The following AP3B2 variants were observed in gnomAD, a reference collection of about 807,000 sequenced individuals.
AP3B2 encodes AP-3 complex subunit beta-2.
A neutral mutation model predicts 126.9 loss-of-function variants in AP3B2; 50 were observed. That is an observed-to-expected ratio of 0.39 (90% CI 0.31 to 0.50). The LOEUF (loss-of-function observed/expected upper bound fraction) is 0.50. Among genes scored for constraint, AP3B2 ranks in the 20% least tolerant of loss-of-function variants. The probability of loss-of-function intolerance (pLI) is 0.79; values close to 1 mark genes in which losing one functional copy is unlikely to be tolerated. For missense variants in AP3B2, 1,177 were observed against 1,426.4 expected (o/e 0.83, Z 2.82); for synonymous variants, 541 against 565.0 (o/e 0.96, Z 0.60).
intron 1 of AP3B2, among the ~76,000 whole-genome samples, chr15:82,709,304 G>A (rs1173612098): frequency 6.6e-6 from 1 of 152,132 alleles, no homozygotes; most frequent in Non-Finnish European, 1.5e-5. Flanking sequence ...GCCGCAAACC[G>A]GAGAAACACC....
At chr15:82,684,091 A>G (rs931971248) in intron 4 of AP3B2, among the ~76,000 whole-genome samples, 1 of 152,222 alleles carries the variant, frequency 6.6e-6, no homozygotes, top group African/African-American at 2.4e-5. Flanking sequence ...GTCATTGAGC[A>G]CTGGCCTCAA....
chr15:82,664,791 G>T lies in AP3B2; in HGVS notation c.2137+44C>A. On this transcript the variant is annotated intron_variant, in intron 18 of 26. Transcript: ENST00000535359. The surrounding 1 kb of genome is among the most constrained non-coding windows in gnomAD (Gnocchi z 4.5). Reference sequence around the variant, plus strand: ...CCCTCATATAGTCAGTCACACAGATGCATGGGCAGAGCACAGAGGACCCCA... The same window carrying T: ...CCCTCATATAGTCAGTCACACAGATTCATGGGCAGAGCACAGAGGACCCCA... 7.1e-7 allele frequency: 1 copy of T among 1,417,918 alleles called. No individual in the cohort carries two copies. The highest frequency in any genetic ancestry group is 1.2e-5 in the South Asian group (1 of 81,130). 87.8% of individuals were successfully genotyped at this position (1,417,918 alleles called of 1,614,324 possible).
chr15:82,671,089 C>A (rs781378403), intron 14 of AP3B2, among the ~76,000 whole-genome samples: 3 of 151,968 alleles, frequency 2.0e-5, no homozygotes, highest in Non-Finnish European at 4.4e-5. Flanking sequence ...TTGAGACCAG[C>A]CTGACCAACA....
At chr15:82,664,000 C>T in intron 19 of AP3B2, 25 bp from the exon 20 acceptor site, 1 of 1,593,600 alleles carries the variant, frequency 6.3e-7, no homozygotes, top group Non-Finnish European at 8.5e-7. Flanking sequence ...AAGGTTGGCT[C>T]AGGCCTGGCC....
rs2048302305 is a variant in AP3B2, at chr15:82,679,747, G to T, written c.1164C>A (p.Thr388=). Residue 388 remains threonine (T), a synonymous_variant, in exon 10 of 27, where the codon ACC becomes ACA. Coordinates refer to ENST00000535359, the MANE Select transcript of AP3B2 (RefSeq NM_001278512.2). The part of the protein sequence containing the change: ...KSFYIRSTDP[T]QIKILKLEVL... ...CACTCACCTTCAGGATCTTAATCTGGGTGGGGTCGGTGGACCTGATGTAGA... is the reference window on the plus strand; with the variant it reads ...CACTCACCTTCAGGATCTTAATCTGTGTGGGGTCGGTGGACCTGATGTAGA... 6.2e-7 allele frequency: 1 copy of T among 1,613,674 alleles called. No individual in the cohort carries two copies. Among genetic ancestry groups the T allele is most frequent in the Non-Finnish European group, 8.5e-7 (1 of 1,179,790 alleles).
At chr15:82,702,843 G>C (rs2048740716) in intron 1 of AP3B2, among the ~76,000 whole-genome samples, 1 of 152,220 alleles carries the variant, frequency 6.6e-6, no homozygotes, top group East Asian at 1.9e-4. Context: ...CCTGCTCTTT[G>C]CTTCATGATA....
chr15:82,680,591 C>G lies in AP3B2; in HGVS notation c.936G>C (p.Leu312=), dbSNP rs1179027036. The change falls in exon 8 of 27, where the codon CTG becomes CTC. Residue 312 remains leucine, a synonymous_variant. Transcript: ENST00000535359. The surrounding 1 kb of genome is among the most constrained non-coding windows in gnomAD (Gnocchi z 6.1). ...CCACCGCGGCGCTGCGGCTCTGCAG[C>G]AGGGGTTTGGTGTTGCGCAGCAGCA... is the stretch of plus-strand genomic sequence containing the variant. ...HRLLLRNTKP[L]LQSRSAAVVM... is the part of the protein sequence containing the mutation. 1 of 1,594,666 alleles carries G rather than the reference C, an allele frequency of 6.3e-7. No homozygotes were observed. The highest frequency in any genetic ancestry group is 1.7e-4 in the Middle Eastern group (1 of 6,036).
rs541722611 is a variant in AP3B2, at chr15:82,677,668, G to T, written c.1378+3C>A. 20 of 1,538,414 alleles carry T rather than the reference G, an allele frequency of 1.3e-5. No homozygotes were observed. The South Asian group carries it at 2.4e-4, about 19-fold the overall frequency. On this transcript the variant is annotated splice_donor_region_variant and intron_variant, in intron 12 of 26. Transcript: ENST00000535359. ...ACGGTTAGACACTCAGGGAAACACT[G>T]ACCATCACGGTTGGACAGCAGCTGC...
intron 14 of AP3B2, among the ~76,000 whole-genome samples, chr15:82,670,202 C>T (rs181468123): frequency 7.1e-4 from 107 of 149,892 alleles, no homozygotes; most frequent in Non-Finnish European, 1.3e-3. Context: ...CTCCGCCTCC[C>T]GGGTTCAAGC....
At position 82,661,934 on chromosome 15, in the gene AP3B2, G is replaced by A. The variant is rs1427446209; in HGVS notation, c.2919-12C>T. The A allele has an allele frequency of 1.2e-6, 2 of 1,608,898 alleles. No individual in the cohort carries two copies. The highest frequency in any genetic ancestry group is 1.3e-5 in the African/African-American group (1 of 74,894). ...GTCGGGTCTGGGTGCTGGGAGGGGT[G>A]GGAGGAAACGGAGAAGAATTAAGGC... On this transcript the variant is annotated splice_polypyrimidine_tract_variant and intron_variant, in intron 24 of 26. Transcript: ENST00000535359.
chr15:82,680,698 C>A lies in AP3B2; in HGVS notation c.829G>T (p.Ala277Ser). 1.3e-6 allele frequency: 2 copies of A among 1,567,898 alleles called. No individual in the cohort carries two copies. The highest frequency in any genetic ancestry group is 1.2e-5 in the South Asian group (1 of 86,680). ...KAFYGSEEDE[A>S]KGAGSEETAA... Reference sequence around the variant, plus strand: ...GTCTCCTCAGACCCCGCGCCCTTGGCCTCGTCCTCCTCTGAGCCGTAGAAG... The same window carrying A: ...GTCTCCTCAGACCCCGCGCCCTTGGACTCGTCCTCCTCTGAGCCGTAGAAG... The change falls in exon 8 of 27, where the codon GCC becomes TCC. Residue 277 changes from alanine to serine, a missense_variant. This residue lies in a region of AP3B2 where 103 missense variants were observed against 101.4 expected (regional missense o/e 1.02). Coordinates refer to ENST00000535359, the MANE Select transcript of AP3B2 (RefSeq NM_001278512.2). The surrounding 1 kb of genome is among the most constrained non-coding windows in gnomAD (Gnocchi z 6.1).
Position 82,703,991 on chromosome 15 carries a change from C to T in AP3B2, c.113+5603G>A, listed in dbSNP as rs189191729. On this transcript the variant is annotated intron_variant, in intron 1 of 26. Coordinates refer to ENST00000535359, the MANE Select transcript of AP3B2 (RefSeq NM_001278512.2). ...TCACCTCCTCTCCCCACACCCAGTC[C>T]GGCTTACAGTTTTGTTCTGCGACTA... Among the ~76,000 whole-genome samples the T allele has an allele frequency of 2.4e-3, 358 of 152,258 alleles. 4 individuals are homozygous for T. Among genetic ancestry groups the T allele is most frequent in the Non-Finnish European group, 1.8e-3 (124 of 68,026 alleles).
rs765499671 is a variant in AP3B2 at position 82,663,570 on chromosome 15, A to G, written c.2487T>C (p.Asp829=). Residue 829 remains aspartate, a synonymous_variant, in exon 21 of 27, where the codon GAT becomes GAC. Coordinates refer to ENST00000535359, the MANE Select transcript of AP3B2 (RefSeq NM_001278512.2). ...ACCACCCAAACTCACAATCCTCTAGATCAAGCAGGGAGATCTCCTTGGTTG... is the reference window on the plus strand; with the variant it reads ...ACCACCCAAACTCACAATCCTCTAGGTCAAGCAGGGAGATCTCCTTGGTTG... ...APATKEISLL[D]LEDFTPPSVQ... is the part of the protein sequence containing the mutation. 3.1e-6 allele frequency: 5 copies of G among 1,613,762 alleles called. No homozygotes were observed. The highest frequency in any genetic ancestry group is 4.2e-6 in the Non-Finnish European group (5 of 1,179,820).
chr15:82,709,524 A>G, intron 1 of AP3B2, 70 bp downstream of exon 1: 19 of 1,179,380 alleles, frequency 1.6e-5, no homozygotes, highest in Non-Finnish European at 2.1e-5. Flanking sequence ...GGCGCTGTCC[A>G]TGGTGCCCGC....
In AP3B2 at chr15:82,681,324, C is replaced by T; in HGVS notation, c.521+96G>A. Reference sequence around the variant, plus strand: ...CCCCAAACTACCCTCCTCAAACCCTCTGAGAAGCAGCAGGCAAGACTTAGG... The same window carrying T: ...CCCCAAACTACCCTCCTCAAACCCTTTGAGAAGCAGCAGGCAAGACTTAGG... On this transcript the variant is annotated intron_variant, in intron 5 of 26. Coordinates refer to ENST00000535359, the MANE Select transcript of AP3B2 (RefSeq NM_001278512.2). This position sits in a 1 kb window ranked among gnomAD's most constrained non-coding sequence, Gnocchi z 4.0. 1.9e-6 allele frequency: 3 copies of T among 1,560,246 alleles called. No homozygotes were observed. The highest frequency in any genetic ancestry group is 2.6e-6 in the Non-Finnish European group (3 of 1,147,132).
intron 14 of AP3B2, among the ~76,000 whole-genome samples, chr15:82,668,900 C>T (rs545687350): frequency 6.6e-5 from 10 of 152,356 alleles, no homozygotes; most frequent in Middle Eastern, 6.8e-3. Flanking sequence ...CTTTCCATAA[C>T]CTATGCCAAC....
Position 82,662,758 on chromosome 15 carries a change from C to T in AP3B2, c.2769G>A (p.Lys923=). 6.2e-7 allele frequency: 1 copy of T among 1,613,900 alleles called. No homozygotes were observed. Among genetic ancestry groups the T allele is most frequent in the South Asian group, 1.1e-5 (1 of 91,030 alleles). ...HFSNSSDTPI[K]GLHVGTPKLP... is the part of the protein sequence containing the mutation. ...GTTTGGGAGTGCCCACATGCAGGCCCTTGATGGGGGTATCAGAGCTGTTGG... is the reference window on the plus strand; with the variant it reads ...GTTTGGGAGTGCCCACATGCAGGCCTTTGATGGGGGTATCAGAGCTGTTGG... Residue 923 remains lysine (K), a synonymous_variant, in exon 23 of 27, where the codon AAG becomes AAA. Transcript: ENST00000535359.
At chr15:82,696,297 G>A (rs552955639) in intron 1 of AP3B2, among the ~76,000 whole-genome samples, 2 of 152,262 alleles carry the variant, frequency 1.3e-5, no homozygotes, top group Admixed American at 1.3e-4. Context: ...CGAAATAGAG[G>A]CCAGGTGTGG....
At chr15:82,695,012 A>G (rs1015539143) in intron 1 of AP3B2, among the ~76,000 whole-genome samples, 2 of 152,156 alleles carry the variant, frequency 1.3e-5, no homozygotes, top group African/African-American at 4.8e-5. Context: ...GAGAGGAACA[A>G]CTGACATGGA....
Sources: allele counts gnomAD v4.1 joint callset (sites outside exome capture counted in the v4.1 genomes callset), GRCh38; gene constraint gnomAD v4.1.1; regional missense constraint gnomAD v4.1.1; non-coding constraint Gnocchi (gnomAD v3.1); transcripts MANE v1.5; gene names NCBI Gene and HGNC (gene_info 2026-07-23, HGNC 2026-07-21).